CA5A: variants seen among roughly 807,000 people sequenced by gnomAD.
CA5A encodes carbonic anhydrase 5A, mitochondrial.
CA5A carries 28 observed loss-of-function variants against 37.1 expected under a neutral mutation model. That is an observed-to-expected ratio of 0.75 (90% confidence interval 0.56 to 1.03). The LOEUF (loss-of-function observed/expected upper bound fraction) is 1.03. Among genes scored for constraint, CA5A ranks in the 50% least tolerant of loss-of-function variants. The pLI is 0.00. For missense variants in CA5A, 444 were observed against 399.9 expected (o/e 1.11, Z -0.94); for synonymous variants, 171 against 158.4 (o/e 1.08, Z -0.60).
At chr16:87,924,186 G>T (rs2056269826) in intron 2 of CA5A, 6 of 985,464 alleles carry the variant, frequency 6.1e-6, no homozygotes, top group Non-Finnish European at 7.2e-6. Flanking sequence ...CTTCCAAGAA[G>T]TTGCACTTTG....
intron 5 of CA5A, among the ~76,000 whole-genome samples, chr16:87,894,059 A>T (rs2055765610): frequency 6.6e-6 from 1 of 152,216 alleles, no homozygotes; most frequent in African/African-American, 2.4e-5. Flanking sequence ...GTGCCCAGCC[A>T]GCTCTTTTGG....
At chr16:87,909,359 G>C (rs1485393674) in intron 2 of CA5A, among the ~76,000 whole-genome samples, 1 of 152,182 alleles carries the variant, frequency 6.6e-6, no homozygotes, top group Non-Finnish European at 1.5e-5. Flanking sequence ...GACCAAGCAC[G>C]CTCAGGGGAA....
At chr16:87,888,521 G>A (rs2055670263) in intron 6 of CA5A, among the ~76,000 whole-genome samples, 1 of 152,186 alleles carries the variant, frequency 6.6e-6, no homozygotes, top group Admixed American at 6.5e-5. Context: ...TACTCAAGCA[G>A]CCCCGAGGAG....
intron 3 of CA5A, among the ~76,000 whole-genome samples, chr16:87,903,823 C>G (rs898340451): frequency 1.3e-5 from 2 of 152,100 alleles, no homozygotes; most frequent in African/African-American, 4.8e-5. Context: ...GTGAATATGG[C>G]AAAAATGATC....
At chr16:87,903,546 G>A (rs1317612250) in intron 3 of CA5A, among the ~76,000 whole-genome samples, 12 of 147,250 alleles carry the variant, frequency 8.1e-5, no homozygotes, top group Non-Finnish European at 1.8e-4. Flanking sequence ...GCACACAGAA[G>A]CCATTGTTGT....
At chr16:87,926,717 A>C in intron 2 of CA5A, 31 bp downstream of exon 2, 8 of 1,572,596 alleles carry the variant, frequency 5.1e-6, no homozygotes, top group Non-Finnish European at 7.0e-6. Context: ...ACGGGAGAGG[A>C]CAAAGCCCTC....
At chr16:87,891,403 G>T (rs1597541000) in intron 6 of CA5A, among the ~76,000 whole-genome samples, 1 of 151,784 alleles carries the variant, frequency 6.6e-6, no homozygotes, top group African/African-American at 2.4e-5. Flanking sequence ...AGGAGGTGGA[G>T]GTTGTAGTGA....
chr16:87,890,687 C>T (rs2055700027), intron 6 of CA5A, among the ~76,000 whole-genome samples: 1 of 152,222 alleles, frequency 6.6e-6, no homozygotes, highest in African/African-American at 2.4e-5. Flanking sequence ...GCCATCTCAG[C>T]TCACTGCAAC....
At chr16:87,925,571 T>A (rs2056293926) in intron 2 of CA5A, 1 of 152,262 alleles carries the variant, frequency 6.6e-6, no homozygotes, top group Non-Finnish European at 1.5e-5. Context: ...GAAAGCAGCT[T>A]ACAGTGACAC....
intron 2 of CA5A, among the ~76,000 whole-genome samples, chr16:87,915,461 G>C (rs1213353370): frequency 6.6e-6 from 1 of 151,752 alleles, no homozygotes; most frequent in Non-Finnish European, 1.5e-5. Context: ...TTTGAGCTCA[G>C]GAGAAGCTTG....
chr16:87,895,391 CA>C (rs2055787452), intron 5 of CA5A, among the ~76,000 whole-genome samples: 2 of 151,782 alleles, frequency 1.3e-5, no homozygotes, highest in African/African-American at 4.8e-5. Flanking sequence ...ACTAAAAATA[CA>C]AAATTAGCCA....
chr16:87,923,874 A>T (rs1320097112), intron 2 of CA5A: 1 of 984,448 alleles, frequency 1.0e-6, no homozygotes, highest in Non-Finnish European at 1.2e-6. Context: ...TTACTAATAC[A>T]TTCACACAAA....
intron 2 of CA5A, among the ~76,000 whole-genome samples, chr16:87,920,793 A>C (rs1242013750): frequency 6.8e-6 from 1 of 147,116 alleles, no homozygotes; most frequent in African/African-American, 2.5e-5. Context: ...TAATTTTTGT[A>C]TTTTTACTTT....
At chr16:87,933,388 T>C (rs927342138) in intron 1 of CA5A, among the ~76,000 whole-genome samples, 9 of 152,140 alleles carry the variant, frequency 5.9e-5, no homozygotes, top group Admixed American at 1.3e-4. Flanking sequence ...CTAAAATTAT[T>C]TTTTCTTAGA....
At chr16:87,901,182 A>T (rs796109875) in intron 5 of CA5A, among the ~76,000 whole-genome samples, 3 of 152,352 alleles carry the variant, frequency 2.0e-5, no homozygotes, top group African/African-American at 7.2e-5. Flanking sequence ...GTGAGCCAAG[A>T]TCGCGCCACT....
intron 5 of CA5A, among the ~76,000 whole-genome samples, chr16:87,896,182 A>G (rs1330342998): frequency 1.3e-5 from 2 of 152,248 alleles, no homozygotes; most frequent in African/African-American, 4.8e-5. Flanking sequence ...CCACGTTGCC[A>G]GTCAGGGCCA....
At chr16:87,882,730 G>A (rs2055618401) in intron 4 of CA5A, 1 of 152,322 alleles carries the variant, frequency 6.6e-6, no homozygotes, top group Admixed American at 6.5e-5. Flanking sequence ...TCCTTCAGCA[G>A]ACTCCTCTTG....
chr16:87,927,561 T>A (rs2056329629), intron 1 of CA5A, among the ~76,000 whole-genome samples: 1 of 152,152 alleles, frequency 6.6e-6, no homozygotes, highest in African/African-American at 2.4e-5. Context: ...TAAGAGCCAT[T>A]AATCGAAAAC....
intron 2 of CA5A, among the ~76,000 whole-genome samples, chr16:87,913,230 C>A (rs961067228): frequency 2.0e-5 from 3 of 151,912 alleles, no homozygotes; most frequent in African/African-American, 7.3e-5. Flanking sequence ...CCACCTGCCT[C>A]GGCCTCCCAA....
Sources: gnomAD v4.1 joint callset for allele counts (sites outside exome capture counted in the v4.1 genomes callset) on GRCh38, gnomAD v4.1.1 for gene constraint, MANE v1.5 for transcripts, NCBI Gene and HGNC (gene_info 2026-07-23, HGNC 2026-07-21) for gene names.